ITIH2: variants seen among roughly 807,000 people sequenced by gnomAD.
ITIH2 encodes inter-alpha-trypsin inhibitor heavy chain 2.
In ITIH2, 103 loss-of-function variants were observed where a neutral mutation model predicts 104.4. The ratio of observed to expected loss-of-function variants is 0.99; its 90% CI spans 0.84 to 1.16. The LOEUF is 1.16. Ranked by LOEUF, ITIH2 falls within the 50% of genes most tolerant of loss-of-function variation. ITIH2 has a pLI of 0.00. For missense variants in ITIH2, 1,108 were observed against 1,162.4 expected (o/e 0.95, Z 0.68); for synonymous variants, 436 against 435.4 (o/e 1.00, Z -0.02).
chr10:7,722,637 A>G (rs1588454730), intron 8 of ITIH2, among the ~76,000 whole-genome samples: 1 of 152,064 alleles, frequency 6.6e-6, no homozygotes, highest in Admixed American at 6.6e-5. Context: ...CGCTGTCTGG[A>G]ACTCTCTTCC....
chr10:7,744,889 C>T lies in ITIH2; in HGVS notation c.2507C>T (p.Pro836Leu), dbSNP rs1283303562. Residue 836 changes from proline to leucine, a missense_variant, in exon 19 of 21, where the codon CCC becomes CTC. Coordinates refer to ENST00000358415, the MANE Select transcript of ITIH2 (RefSeq NM_002216.3). ...VLLHRVWKKH[P>L]VNVDFLGIYI... The stretch of plus-strand genomic sequence containing the variant: ...CTTCATCGTGTTTGGAAGAAGCATC[C>T]CGTCAATGTTGACTTTCTGGGAATC... 1.2e-6 allele frequency: 2 copies of T among 1,613,972 alleles called. No homozygotes were observed. Among genetic ancestry groups the T allele is most frequent in the African/African-American group, 2.7e-5 (2 of 74,914 alleles).
Position 7,729,408 on chromosome 10 carries a change from T to C in ITIH2, c.1280-544T>C, listed in dbSNP as rs191468130. 2.7e-3 allele frequency among the ~76,000 whole-genome samples: 410 copies of C among 152,342 alleles called. 2 individuals are homozygous for C. The highest frequency in any genetic ancestry group is 4.5e-3 in the Non-Finnish European group (305 of 68,028). On this transcript the variant is annotated intron_variant, in intron 11 of 20. Coordinates refer to ENST00000358415, the MANE Select transcript of ITIH2 (RefSeq NM_002216.3). ...AGTTCCTGTCCCTGGAATCAGTCAC[T>C]GGTTACCAGTTTCTTGTGTATCTTT...
intron 11 of ITIH2, among the ~76,000 whole-genome samples, chr10:7,729,618 T>C (rs887380018): frequency 1.3e-5 from 2 of 152,194 alleles, no homozygotes; most frequent in Admixed American, 6.5e-5. Flanking sequence ...CTGGTATACA[T>C]ACATAAGGAG....
At chr10:7,716,075 C>G (rs183253982) in intron 5 of ITIH2, among the ~76,000 whole-genome samples, 1 of 152,142 alleles carries the variant, frequency 6.6e-6, no homozygotes, top group East Asian at 1.9e-4. Context: ...ACCTCCACCT[C>G]CCAGGTCTAA....
chr10:7,749,160 C>T, intron 20 of ITIH2, 27 bp from the exon 21 acceptor site: 10 of 1,613,404 alleles, frequency 6.2e-6, no homozygotes, highest in Non-Finnish European at 8.5e-6. Flanking sequence ...CAGTCTCCCC[C>T]TAACCACATG....
Position 7,744,158 on chromosome 10 carries a change from G to A in ITIH2, c.2286G>A (p.Leu762=). Residue 762 remains leucine (L), a synonymous_variant, in exon 18 of 21, where the codon CTG becomes CTA. Coordinates refer to ENST00000358415, the MANE Select transcript of ITIH2 (RefSeq NM_002216.3). ...AACTAAGCACCTATTTTGGAAAACTGGGATTTTATTTCCAAAGTGAAGACA... is the reference window on the plus strand; with the variant it reads ...AACTAAGCACCTATTTTGGAAAACTAGGATTTTATTTCCAAAGTGAAGACA... ...NGKLSTYFGK[L]GFYFQSEDIK... 6.2e-7 allele frequency: 1 copy of A among 1,613,964 alleles called. No homozygotes were observed. The highest frequency in any genetic ancestry group is 1.3e-5 in the African/African-American group (1 of 75,000).
rs1835041721 is a variant in ITIH2 at position 7,735,098 on chromosome 10, G to T, written c.1957+7G>T. The stretch of plus-strand genomic sequence containing the variant: ...GATCCCTCCTGCTGCTCAGGTCAGG[G>T]CTGCACCTGTGGGGACAAGTGGCCA... On this transcript the variant is annotated splice_region_variant and intron_variant, in intron 15 of 20. Transcript: ENST00000358415. The T allele has an allele frequency of 1.9e-6, 3 of 1,600,116 alleles. No homozygotes were observed. The South Asian group carries it at 3.3e-5, about 18-fold the overall frequency.
chr10:7,730,090 C>A lies in ITIH2; in HGVS notation c.1418C>A (p.Ala473Glu), dbSNP rs771551252. Residue 473 changes from alanine (A) to glutamate (E), a missense_variant, in exon 12 of 21, where the codon GCA (alanine) becomes GAA (glutamate). Transcript: ENST00000358415. ...KRLSNENHGIAQRIYGNQDTS... is the reference protein window; with the variant it reads ...KRLSNENHGIEQRIYGNQDTS... Reference sequence around the variant, plus strand: ...CTGTCCAATGAAAACCATGGAATTGCACAAAGGATTTATGGAAACCAGGAC... The same window carrying A: ...CTGTCCAATGAAAACCATGGAATTGAACAAAGGATTTATGGAAACCAGGAC... 6.2e-6 allele frequency: 10 copies of A among 1,611,152 alleles called. No homozygotes were observed. In the East Asian group the frequency reaches 2.2e-4, roughly 36 times the overall value.
chr10:7,714,110 G>C (rs926453961), intron 5 of ITIH2, among the ~76,000 whole-genome samples: 1 of 150,168 alleles, frequency 6.7e-6, no homozygotes, highest in Non-Finnish European at 1.5e-5. Context: ...TCTTCAAAGG[G>C]AAAAAATCTT....
intron 5 of ITIH2, 151 bp from the exon 6 acceptor site, chr10:7,717,475 G>A (rs1834860692): frequency 1.5e-6 from 1 of 653,356 alleles, no homozygotes. Context: ...TCTAGAAGCT[G>A]CACTTATCTC....
chr10:7,726,129 G>A (rs989686937), intron 9 of ITIH2, among the ~76,000 whole-genome samples: 2 of 152,308 alleles, frequency 1.3e-5, no homozygotes, highest in South Asian at 4.2e-4. Context: ...AACCCGAAAG[G>A]ATTGGGCTTA....
At chr10:7,710,819 C>T (rs1380807425) in intron 4 of ITIH2, among the ~76,000 whole-genome samples, 2 of 152,162 alleles carry the variant, frequency 1.3e-5, no homozygotes, top group East Asian at 3.9e-4. Context: ...ATTATATGAC[C>T]CCATGTCTAG....
At chr10:7,706,202 T>A (rs1834746149) in intron 2 of ITIH2, among the ~76,000 whole-genome samples, 1 of 152,170 alleles carries the variant, frequency 6.6e-6, no homozygotes, top group South Asian at 2.1e-4. Flanking sequence ...GAAAAATTTG[T>A]CATTGAGCAT....
chr10:7,712,530 T>A (rs1330567420), intron 4 of ITIH2, among the ~76,000 whole-genome samples: 1 of 152,138 alleles, frequency 6.6e-6, no homozygotes, highest in Non-Finnish European at 1.5e-5. Flanking sequence ...TCACCTCCCC[T>A]AATCACATTT....
rs551728828 is a variant in ITIH2 at position 7,708,553 on chromosome 10, G to A, written c.193-469G>A. On this transcript the variant is annotated intron_variant, in intron 3 of 20. Transcript: ENST00000358415. ...AAGAAGGTAGAGAGCTGTAAGGGGG[G>A]GTTGGTGGAGGCCATATGTGTGTTT... is the stretch of plus-strand genomic sequence containing the variant. Among the ~76,000 whole-genome samples, 94 of 152,188 alleles carry A rather than the reference G, an allele frequency of 6.2e-4. No homozygotes were observed. In the South Asian group the frequency reaches 0.017, roughly 28 times the overall value.
rs1200659069 is a variant in ITIH2, at chr10:7,731,944, A to T, written c.1595A>T (p.Lys532Ile). The change falls in exon 13 of 21, where the codon AAA becomes ATA. Residue 532 changes from lysine to isoleucine, a missense_variant. Physicochemically the swap from Lys to Ile is moderately radical, Grantham distance 102. Transcript: ENST00000358415. The part of the protein sequence containing the change: ...FGGSEIVVAG[K>I]FDPAKLDQIE... The stretch of plus-strand genomic sequence containing the variant: ...GGCTCAGAGATTGTGGTGGCAGGAA[A>T]ATTTGACCCTGCTAAATTGGATCAA... 6.2e-7 allele frequency: 1 copy of T among 1,614,018 alleles called. No homozygotes were observed. The highest frequency in any genetic ancestry group is 1.1e-5 in the South Asian group (1 of 91,068).
rs746023150 is a variant in ITIH2, at chr10:7,709,168, A to G, written c.339A>G (p.Gly113=). 10 of 1,614,044 alleles carry G rather than the reference A, an allele frequency of 6.2e-6. No individual in the cohort carries two copies. The Admixed American group carries it at 1.0e-4, about 16-fold the overall frequency. Residue 113 remains glycine (G), a synonymous_variant, in exon 4 of 21, where the codon GGA becomes GGG. Coordinates refer to ENST00000358415, the MANE Select transcript of ITIH2 (RefSeq NM_002216.3). ...TGTTTGATGTTCAGATCCCCAAAGGAGCATTCATTTCCAACTTCTCCATGT... is the reference window on the plus strand; with the variant it reads ...TGTTTGATGTTCAGATCCCCAAAGGGGCATTCATTTCCAACTTCTCCATGT... ...NVVFDVQIPK[G]AFISNFSMTV...
chr10:7,731,261 T>G (rs1316800467), intron 12 of ITIH2, among the ~76,000 whole-genome samples: 1 of 152,166 alleles, frequency 6.6e-6, no homozygotes, highest in East Asian at 1.9e-4. Context: ...TTTTTCACGC[T>G]GACCGTAACA....
chr10:7,732,539 T>C (rs1835013874), intron 14 of ITIH2, 62 bp downstream of exon 14: 1 of 1,555,238 alleles, frequency 6.4e-7, no homozygotes, highest in East Asian at 2.3e-5. Flanking sequence ...ACCGTGAATA[T>C]ATGAAGTCAT....
Sources: allele counts gnomAD v4.1 joint callset (sites outside exome capture counted in the v4.1 genomes callset), GRCh38; gene constraint gnomAD v4.1.1; transcripts MANE v1.5; gene names NCBI Gene and HGNC (gene_info 2026-07-23, HGNC 2026-07-21).